Variants in POLM observed in about 807,000 individuals in gnomAD.
POLM encodes DNA-directed DNA/RNA polymerase mu.
POLM carries 52 observed loss-of-function variants against 56.7 expected under a neutral mutation model. The ratio of observed to expected loss-of-function variants is 0.92; its 90% confidence interval spans 0.73 to 1.15. The LOEUF (loss-of-function observed/expected upper bound fraction) is 1.15. Ranked by LOEUF, POLM falls within the 50% of genes most tolerant of loss-of-function variation. The pLI is 0.00. For synonymous variants in POLM, 273 were observed against 274.3 expected, an observed-to-expected ratio of 1.00 and a Z score of 0.05; for missense variants, 660 against 663.6, an observed-to-expected ratio of 0.99 and a Z score of 0.06.
intron 1 of POLM, 63 bp downstream of exon 1, chr7:44,082,188 C>T (rs1363410886): frequency 2.4e-5 from 32 of 1,355,656 alleles, no homozygotes; most frequent in Non-Finnish European, 3.1e-5. Context: ...AGTGCCACTG[C>T]AAACTTAGAA....
Position 44,073,635 on chromosome 7 carries a change from T to G in POLM, c.1388A>C (p.Asp463Ala). The G allele has an allele frequency of 6.2e-7, 1 of 1,613,960 alleles. No individual in the cohort carries two copies. Among genetic ancestry groups the G allele is most frequent in the Non-Finnish European group, 8.5e-7 (1 of 1,179,876 alleles). The change falls in exon 10 of 11, where the codon GAC becomes GCC. Residue 463 changes from aspartate (D) to alanine (A), a missense_variant. Asp to Ala is a moderately radical substitution (Grantham distance 126). Transcript: ENST00000242248. ...GLWLNSHGLF[D>A]PEQKTFFQAA... ...TCCCCAACAATGTACCTGCTCCGGG[T>G]CAAACAGCCCATGGCTGTTCAGCCA...
intron 6 of POLM, 43 bp from the exon 7 acceptor site, chr7:44,074,573 C>A (rs780145990): frequency 2.0e-6 from 3 of 1,502,878 alleles, no homozygotes; most frequent in Non-Finnish European, 2.7e-6. Flanking sequence ...AGCCTGCCCA[C>A]CACACCGAGC....
In POLM at chr7:44,078,826, A is replaced by G; in HGVS notation, c.643-15T>C. The G allele has an allele frequency of 1.2e-6, 2 of 1,610,294 alleles. No homozygotes were observed. Among genetic ancestry groups the G allele is most frequent in the Non-Finnish European group, 8.5e-7 (1 of 1,177,076 alleles). On this transcript the variant is annotated splice_polypyrimidine_tract_variant and intron_variant, in intron 4 of 10. Transcript: ENST00000242248. Reference sequence around the variant, plus strand: ...TCCAGCAGCTCCTGGGGGAGGGAACAAAGCAGAACTCTAAGCCTGAGGGCG... The same window carrying G: ...TCCAGCAGCTCCTGGGGGAGGGAACGAAGCAGAACTCTAAGCCTGAGGGCG...
chr7:44,075,681 C>T (rs1282152259), intron 6 of POLM: 2 of 151,476 alleles, frequency 1.3e-5, no homozygotes, highest in African/African-American at 2.4e-5. Flanking sequence ...CACTTGCCGG[C>T]TCTCACAGGG....
At chr7:44,080,529 C>T (rs148554736) in intron 2 of POLM, 1 of 701,546 alleles carries the variant, frequency 1.4e-6, no homozygotes, top group Non-Finnish European at 2.6e-6. Context: ...AGAACAGAAG[C>T]TGAGATGGCC....
In POLM at chr7:44,073,641, A is replaced by T; in HGVS notation, c.1382T>A (p.Leu461Gln). 6.2e-7 allele frequency: 1 copy of T among 1,614,156 alleles called. No individual in the cohort carries two copies. The highest frequency in any genetic ancestry group is 1.1e-5 in the South Asian group (1 of 91,082). The change falls in exon 10 of 11, where the codon CTG becomes CAG. Residue 461 changes from leucine to glutamine, a missense_variant. Transcript: ENST00000242248. ...ACAATGTACCTGCTCCGGGTCAAAC[A>T]GCCCATGGCTGTTCAGCCACAGGCC... ...EKGLWLNSHGLFDPEQKTFFQ... is the reference protein window; with the variant it reads ...EKGLWLNSHGQFDPEQKTFFQ...
At chr7:44,079,478 C>G (rs754622891) in intron 4 of POLM, 93 bp downstream of exon 4, 1 of 1,244,268 alleles carries the variant, frequency 8.0e-7, no homozygotes, top group African/African-American at 1.5e-5. Flanking sequence ...GACTGTCTGT[C>G]CTCACCCACC....
chr7:44,077,287 A>G (rs941979016), intron 5 of POLM, among the ~76,000 whole-genome samples: 1 of 152,164 alleles, frequency 6.6e-6, no homozygotes, highest in African/African-American at 2.4e-5. Context: ...GCGTCGCAAG[A>G]GAGGGCGAAG....
rs1484781529 is a variant in POLM at position 44,073,158 on chromosome 7, T to G, written c.*133A>C. ...ACTGATCCTGCAGGCACAATTGACCTCCGGAAGAGCCAGGCCTTGGCGGGG... is the reference window on the plus strand; with the variant it reads ...ACTGATCCTGCAGGCACAATTGACCGCCGGAAGAGCCAGGCCTTGGCGGGG... On this transcript the variant is annotated 3_prime_UTR_variant, in exon 11 of 11. Coordinates refer to ENST00000242248, the MANE Select transcript of POLM (RefSeq NM_013284.4). 3 of 1,543,650 alleles carry G rather than the reference T, an allele frequency of 1.9e-6. No individual in the cohort carries two copies. The African/African-American group carries it at 4.1e-5, about 21-fold the overall frequency.
At position 44,080,764 on chromosome 7, in the gene POLM, G is replaced by A. The variant is rs751810878; in HGVS notation, c.341C>T (p.Pro114Leu). 6.2e-7 allele frequency: 1 copy of A among 1,614,080 alleles called. No homozygotes were observed. The highest frequency in any genetic ancestry group is 1.1e-5 in the South Asian group (1 of 91,088). The change falls in exon 2 of 11, where the codon CCT becomes CTT. Residue 114 changes from proline to leucine, a missense_variant. Coordinates refer to ENST00000242248, the MANE Select transcript of POLM (RefSeq NM_013284.4). ...GCGGTGCCGGCACTCCACAGGTACAGGCTGCCCAGCTCCCAGGCTCTCTGT... is the reference window on the plus strand; with the variant it reads ...GCGGTGCCGGCACTCCACAGGTACAAGCTGCCCAGCTCCCAGGCTCTCTGT... The part of the protein sequence containing the change: ...WLTESLGAGQ[P>L]VPVECRHRLE...
intron 4 of POLM, 44 bp from the exon 5 acceptor site, chr7:44,078,855 G>A (rs1480748974): frequency 6.5e-7 from 1 of 1,538,838 alleles, no homozygotes; most frequent in East Asian, 2.3e-5. Flanking sequence ...GAGGGCGTGG[G>A]AAGAAAGAGA....
intron 4 of POLM, among the ~76,000 whole-genome samples, chr7:44,079,300 T>C (rs1015815117): frequency 1.3e-5 from 2 of 152,164 alleles, no homozygotes; most frequent in African/African-American, 2.4e-5. Flanking sequence ...GAGGGCAGTT[T>C]GGGACTAATG....
rs1247257442 is a variant in POLM at position 44,073,288 on chromosome 7, G to A, written c.*3C>T. 1.7e-5 allele frequency: 28 copies of A among 1,614,100 alleles called. No homozygotes were observed. Among genetic ancestry groups the A allele is most frequent in the Non-Finnish European group, 2.2e-5 (26 of 1,180,026 alleles). ...TGAGTGGAAGTGGGGGACACAGGCA[G>A]GCTCAGGCGTTTCTCTGCTCTGGAG... On this transcript the variant is annotated 3_prime_UTR_variant, in exon 11 of 11. Coordinates refer to ENST00000242248, the MANE Select transcript of POLM (RefSeq NM_013284.4).
chr7:44,078,662 C>T, intron 5 of POLM, 78 bp downstream of exon 5: 1 of 1,354,660 alleles, frequency 7.4e-7, no homozygotes, highest in Non-Finnish European at 1.1e-6. Context: ...TGTTTGCCTC[C>T]CCGTGCATGG....
At chr7:44,080,130 T>G (rs925367133) in intron 2 of POLM, among the ~76,000 whole-genome samples, 171 bp from the exon 3 acceptor site, 2 of 152,196 alleles carry the variant, frequency 1.3e-5, no homozygotes, top group Admixed American at 1.3e-4. Context: ...GGCACCGCCC[T>G]GCAGAACAGG....
At chr7:44,080,555 CT>C (rs1586026758) in intron 2 of POLM, 177 bp downstream of exon 2, 1 of 719,658 alleles carries the variant, frequency 1.4e-6, no homozygotes, top group Non-Finnish European at 2.5e-6. Flanking sequence ...CCCTCAGCCC[CT>C]TCTGTGGTTC....
Position 44,072,227 on chromosome 7 carries a change from A to G in POLM, c.*1064T>C, listed in dbSNP as rs1163810966. ...CCTGGTGTGCCCTACGTGTGCAAAA[A>G]CTGCACCCCAAGAGTCAACTTTACT... On this transcript the variant is annotated 3_prime_UTR_variant, in exon 11 of 11. Coordinates refer to ENST00000242248, the MANE Select transcript of POLM (RefSeq NM_013284.4). 6.6e-6 allele frequency: 1 copy of G among 152,156 alleles called. No individual in the cohort carries two copies. The highest frequency in any genetic ancestry group is 2.4e-5 in the African/African-American group (1 of 41,432). The allele number at this position is 152,156 out of a possible 1,614,324, so 9.4% of individuals were successfully genotyped here. A position where few individuals can be genotyped will look rare whatever the true frequency, so the allele number is the denominator to read the frequency against.
chr7:44,080,480 G>A (rs2096196683), intron 2 of POLM: 1 of 672,028 alleles, frequency 1.5e-6, no homozygotes, highest in East Asian at 2.9e-5. Flanking sequence ...GCCTGAAGAA[G>A]GTAAAAATAA....
chr7:44,073,751 A>AC (rs772543588), intron 9 of POLM, 32 bp downstream of exon 9: 4 of 1,613,688 alleles, frequency 2.5e-6, no homozygotes, highest in African/African-American at 1.3e-5. Flanking sequence ...GCCCAGCCCC[A>AC]CCCCCAGGCG....
Sources: allele counts gnomAD v4.1 joint callset (sites outside exome capture counted in the v4.1 genomes callset), GRCh38; gene constraint gnomAD v4.1.1; transcripts MANE v1.5; gene names NCBI Gene and HGNC (gene_info 2026-07-23, HGNC 2026-07-21).